The following LILRB4 variants were observed in gnomAD, a reference collection of about 807,000 sequenced individuals.
The protein encoded by LILRB4 is leukocyte immunoglobulin-like receptor subfamily B member 4.
Under a neutral mutation model 55.2 loss-of-function variants are expected in LILRB4, and 49 were observed. That is an observed-to-expected ratio of 0.89 (90% CI 0.71 to 1.13). The LOEUF (loss-of-function observed/expected upper bound fraction) is 1.13, where lower values mean the gene tolerates loss of function less well. LILRB4 is among the 50% of genes most tolerant of loss of function. The probability of loss-of-function intolerance (pLI) is 0.00; values close to 1 mark genes in which losing one functional copy is unlikely to be tolerated. For missense variants in LILRB4, 590 were observed against 555.2 expected, an observed-to-expected ratio of 1.06 and a Z score of -0.63; for synonymous variants, 229 against 213.8, an observed-to-expected ratio of 1.07 and a Z score of -0.62.
At position 54,665,886 on chromosome 19, in the gene LILRB4, T is replaced by C; in HGVS notation, c.829T>C (p.Phe277Leu). The C allele has an allele frequency of 6.2e-7, 1 of 1,613,586 alleles. No homozygotes were observed. The highest frequency in any genetic ancestry group is 8.5e-7 in the Non-Finnish European group (1 of 1,179,852). The change falls in exon 7 of 12, where the codon TTC becomes CTC. Residue 277 changes from phenylalanine (F) to leucine (L), a missense_variant. Phe to Leu is a conservative substitution (Grantham distance 22, BLOSUM62 0). Coordinates refer to ENST00000430952, the Ensembl canonical transcript of LILRB4. This position sits in a 1 kb window ranked among gnomAD's most constrained non-coding sequence, Gnocchi z 5.5. ...CATCCTGCTTCTCTCCCTCCTCCTCTTCCTCCTCCTCCAACACTGGCGTCA... is the reference window on the plus strand; with the variant it reads ...CATCCTGCTTCTCTCCCTCCTCCTCCTCCTCCTCCTCCAACACTGGCGTCA...
exon 12 of LILRB4, chr19:54,668,055 C>A (rs1401192009): frequency 6.2e-7 from 1 of 1,612,306 alleles, no homozygotes; most frequent in Non-Finnish European, 8.5e-7. Context: ...GCCATGGAGA[C>A]TCAGGACCCC....
In LILRB4 at chr19:54,663,803, C is replaced by T. The variant is rs527876637; in HGVS notation, c.120C>T (p.Ser40=). Residue 40 remains serine, a synonymous_variant, in exon 3 of 12, where the codon AGC becomes AGT. Coordinates refer to ENST00000430952, the Ensembl canonical transcript of LILRB4. ...GGGCTGAGCCAGGCTCTGTGATCAGCTGGGGGAACTCTGTGACCATCTGGT... is the reference window on the plus strand; with the variant it reads ...GGGCTGAGCCAGGCTCTGTGATCAGTTGGGGGAACTCTGTGACCATCTGGT... The T allele has an allele frequency of 2.7e-4, 441 of 1,614,118 alleles. 4 individuals carry two copies. The South Asian group carries it at 4.5e-3, about 16-fold the overall frequency.
chr19:54,666,092 G>C lies in LILRB4; in HGVS notation c.875-148G>C. The C allele has an allele frequency of 1.7e-6, 2 of 1,204,492 alleles. No individual in the cohort carries two copies. Among genetic ancestry groups the C allele is most frequent in the Non-Finnish European group, 1.2e-6 (1 of 852,202 alleles). 74.6% of individuals were successfully genotyped at this position (1,204,492 alleles called of 1,614,324 possible). A position where few individuals can be genotyped will look rare whatever the true frequency, so the allele number is the denominator to read the frequency against. On this transcript the variant is annotated intron_variant, in intron 7 of 11. Coordinates refer to ENST00000430952, the Ensembl canonical transcript of LILRB4. This position sits in a 1 kb window ranked among gnomAD's most constrained non-coding sequence, Gnocchi z 4.8. ...AAATGAATGAGGGAGTAATGGAAGT[G>C]CTTTATTCTTTCGGTTTTTCTAAAC... is the stretch of plus-strand genomic sequence containing the variant.
At chr19:54,663,100 G>A in intron 1 of LILRB4, 33 bp downstream of exon 1, 3 of 1,595,636 alleles carry the variant, frequency 1.9e-6, no homozygotes, top group Non-Finnish European at 2.6e-6. Flanking sequence ...GGAGACCCGA[G>A]TCTTGGAGGA....
Position 54,667,134 on chromosome 19 carries a change from C to G in LILRB4, c.1041+385C>G, listed in dbSNP as rs542267587. Reference sequence around the variant, plus strand: ...TGGGAGCTGCAGACACAGCAGGGAGCAAAGCCGCCCCCGCCTCCTGAGCTC... The same window carrying G: ...TGGGAGCTGCAGACACAGCAGGGAGGAAAGCCGCCCCCGCCTCCTGAGCTC... On this transcript the variant is annotated intron_variant, in intron 10 of 11. Transcript: ENST00000430952. 904 of 581,586 alleles carry G rather than the reference C, an allele frequency of 1.6e-3. 4 individuals are homozygous for G. Among genetic ancestry groups the G allele is most frequent in the Admixed American group, 2.9e-3 (135 of 45,820 alleles). The allele number at this position is 581,586 out of a possible 1,614,324, so 36.0% of individuals were successfully genotyped here. A position where few individuals can be genotyped will look rare whatever the true frequency, so the allele number is the denominator to read the frequency against.
chr19:54,664,357 A>G (rs770886934), exon 4 of LILRB4: 1 of 1,614,106 alleles, frequency 6.2e-7, no homozygotes, highest in Non-Finnish European at 8.5e-7. Context: ...GCTCAGCAGC[A>G]CCAGGCTGAA....
Position 54,665,352 on chromosome 19 carries a change from T to C in LILRB4, c.757+172T>C, listed in dbSNP as rs2065219307. 2 of 916,266 alleles carry C rather than the reference T, an allele frequency of 2.2e-6. No homozygotes were observed. 56.8% of individuals were successfully genotyped at this position (916,266 alleles called of 1,614,324 possible). A position where few individuals can be genotyped will look rare whatever the true frequency, so the allele number is the denominator to read the frequency against. On this transcript the variant is annotated intron_variant, in intron 6 of 11. Transcript: ENST00000430952. The surrounding 1 kb of genome is among the most constrained non-coding windows in gnomAD (Gnocchi z 5.5). ...GAGGCCTGCGGGTGGGAAAGTTCCT[T>C]TCAGCTCTGACTCCCAGCTGTGCCC... is the stretch of plus-strand genomic sequence containing the variant.
rs2065247572 is a variant in LILRB4 at position 54,666,009 on chromosome 19, G to C, written c.874+78G>C. ...CCAGCCAAAGGGACTCCAGATAGGAGAGGTCATCTTAGAAACTCTGCTCCA... is the reference window on the plus strand; with the variant it reads ...CCAGCCAAAGGGACTCCAGATAGGACAGGTCATCTTAGAAACTCTGCTCCA... On this transcript the variant is annotated intron_variant, in intron 7 of 11. Transcript: ENST00000430952. This position sits in a 1 kb window ranked among gnomAD's most constrained non-coding sequence, Gnocchi z 4.8. 1 of 1,561,504 alleles carries C rather than the reference G, an allele frequency of 6.4e-7. No homozygotes were observed. The highest frequency in any genetic ancestry group is 1.1e-5 in the South Asian group (1 of 87,658).
chr19:54,666,894 G>T lies in LILRB4; in HGVS notation c.1041+145G>T, dbSNP rs113400968. 1,400 of 860,432 alleles carry T rather than the reference G, an allele frequency of 1.6e-3. 3 individuals carry two copies. The highest frequency in any genetic ancestry group is 2.4e-3 in the South Asian group (179 of 75,604). 53.3% of individuals were successfully genotyped at this position (860,432 alleles called of 1,614,324 possible). On this transcript the variant is annotated intron_variant, in intron 10 of 11. Coordinates refer to ENST00000430952, the Ensembl canonical transcript of LILRB4. The surrounding 1 kb of genome is among the most constrained non-coding windows in gnomAD (Gnocchi z 4.8). The stretch of plus-strand genomic sequence containing the variant: ...CCAGCACGCTGCCTCCTGCCTGCTG[G>T]GACCTCACTCTCTCCTGCTGTCCTG...
chr19:54,668,310 C>T (rs1308795951), exon 12 of LILRB4: 1 of 359,336 alleles, frequency 2.8e-6, no homozygotes, highest in African/African-American at 2.1e-5. Context: ...ACACATCAAA[C>T]CAATGACATG....
At chr19:54,667,670 G>C (rs61738941) in exon 11 of LILRB4, 23 of 1,609,982 alleles carry the variant, frequency 1.4e-5, no homozygotes, top group Non-Finnish European at 1.7e-5. Flanking sequence ...AGGCAGTGAC[G>C]TATGCCAAGG....
chr19:54,664,592 G>C (rs920803656), intron 4 of LILRB4, 107 bp downstream of exon 4: 28 of 1,263,336 alleles, frequency 2.2e-5, no homozygotes, highest in African/African-American at 1.8e-4. Flanking sequence ...GCCAGTGGGG[G>C]ACTCAGCCCT....
At chr19:54,663,802 G>T in exon 3 of LILRB4, 1 of 1,614,132 alleles carries the variant, frequency 6.2e-7, no homozygotes, top group Non-Finnish European at 8.5e-7. Flanking sequence ...TCTGTGATCA[G>T]CTGGGGGAAC....
In LILRB4 at chr19:54,666,896, A is replaced by T. The variant is rs987159335; in HGVS notation, c.1041+147A>T. ...AGCACGCTGCCTCCTGCCTGCTGGGACCTCACTCTCTCCTGCTGTCCTGGG... is the reference window on the plus strand; with the variant it reads ...AGCACGCTGCCTCCTGCCTGCTGGGTCCTCACTCTCTCCTGCTGTCCTGGG... On this transcript the variant is annotated intron_variant, in intron 10 of 11. Coordinates refer to ENST00000430952, the Ensembl canonical transcript of LILRB4. This position sits in a 1 kb window ranked among gnomAD's most constrained non-coding sequence, Gnocchi z 4.8. 3 of 853,958 alleles carry T rather than the reference A, an allele frequency of 3.5e-6. No individual in the cohort carries two copies. Among genetic ancestry groups the T allele is most frequent in the Non-Finnish European group, 6.1e-6 (3 of 489,986 alleles). The allele number at this position is 853,958 out of a possible 1,614,324, so 52.9% of individuals were successfully genotyped here. A position where few individuals can be genotyped will look rare whatever the true frequency, so the allele number is the denominator to read the frequency against.
chr19:54,666,001 A>G lies in LILRB4; in HGVS notation c.874+70A>G. ...TCAGGGCACCAGCCAAAGGGACTCC[A>G]GATAGGAGAGGTCATCTTAGAAACT... On this transcript the variant is annotated intron_variant, in intron 7 of 11. Transcript: ENST00000430952. This position sits in a 1 kb window ranked among gnomAD's most constrained non-coding sequence, Gnocchi z 4.8. 6.3e-7 allele frequency: 1 copy of G among 1,579,752 alleles called. No homozygotes were observed. The highest frequency in any genetic ancestry group is 8.6e-7 in the Non-Finnish European group (1 of 1,157,072).
Position 54,666,659 on chromosome 19 carries a change from C to A in LILRB4, c.989-38C>A, listed in dbSNP as rs766048749. On this transcript the variant is annotated intron_variant, in intron 9 of 11. Transcript: ENST00000430952. The surrounding 1 kb of genome is among the most constrained non-coding windows in gnomAD (Gnocchi z 4.8). The stretch of plus-strand genomic sequence containing the variant: ...AGCAGGAATGAGAGGTCCCAGGGAA[C>A]CTTCCCAGGAGATGAACCCCTTGCT... The A allele has an allele frequency of 3.7e-6, 6 of 1,600,022 alleles. No individual in the cohort carries two copies. In the South Asian group the frequency reaches 5.5e-5, roughly 15 times the overall value.
rs533435672 is a variant in LILRB4, at chr19:54,663,676, C to CG, written c.71-71dup. On this transcript the variant is annotated intron_variant, in intron 2 of 11. Transcript: ENST00000430952. ...AGTTCTGGGTGACTGATGAGGATGA[C>CG]GGGGGGGTCCTGGGGCTGAGAGCTG... 1.0e-4 allele frequency: 165 copies of CG among 1,607,716 alleles called. No individual in the cohort carries two copies. In the South Asian group the frequency reaches 1.1e-3, roughly 11 times the overall value.
exon 4 of LILRB4, chr19:54,664,234 C>A: frequency 6.2e-7 from 1 of 1,614,128 alleles, no homozygotes; most frequent in Non-Finnish European, 8.5e-7. Flanking sequence ...CCTCTTGTGA[C>A]CTCAGGAAAG....
chr19:54,663,136 TTCTTTA>T lies in LILRB4; in HGVS notation c.34+70_34+75del, dbSNP rs1340876435. The T allele has an allele frequency of 5.8e-6, 9 of 1,550,706 alleles. No homozygotes were observed. The African/African-American group carries it at 1.2e-4, about 21-fold the overall frequency. On this transcript the variant is annotated intron_variant, in intron 1 of 11. Transcript: ENST00000430952. ...AATTTGCCTCACAGCCAGGCCCTGG[TTCTTTA>T]GGAGACTCAAAAATCTCAGGGTAGC...
Sources: gnomAD v4.1 joint callset for allele counts on GRCh38, gnomAD v4.1.1 for gene constraint, Gnocchi (gnomAD v3.1) non-coding constraint, MANE v1.5 for transcripts, NCBI Gene and HGNC (gene_info 2026-07-23, HGNC 2026-07-21) for gene names.